TGFB1: variants seen among roughly 807,000 people sequenced by gnomAD.
TGFB1 encodes transforming growth factor beta-1 proprotein.
Under a neutral mutation model 43.8 loss-of-function variants are expected in TGFB1, and 19 were observed. The observed-to-expected ratio is 0.43, with a 90% CI of 0.30 to 0.64. TGFB1 has a LOEUF of 0.64. Among genes scored for constraint, TGFB1 ranks in the 30% least tolerant of loss-of-function variants. The pLI, the probability that TGFB1 is intolerant of heterozygous loss-of-function variation, is 0.11. For missense variants in TGFB1, 445 were observed against 529.8 expected (o/e 0.84, Z 1.57); for synonymous variants, 221 against 236.3 (o/e 0.94, Z 0.60).
intron 1 of TGFB1, among the ~76,000 whole-genome samples, 170 bp downstream of exon 1, chr19:41,352,520 G>C (rs2038216787): frequency 6.6e-6 from 1 of 152,142 alleles, no homozygotes; most frequent in South Asian, 2.1e-4. Context: ...AGGGGGCTCA[G>C]TGCCATCCTC....
chr19:41,353,022 A>C lies in TGFB1; in HGVS notation c.23T>G (p.Leu8Arg). 6.5e-6 allele frequency: 10 copies of C among 1,530,994 alleles called. No individual in the cohort carries two copies. Among genetic ancestry groups the C allele is most frequent in the Non-Finnish European group, 7.9e-6 (9 of 1,142,910 alleles). 94.8% of individuals were successfully genotyped at this position (1,530,994 alleles called of 1,614,324 possible). Residue 8 changes from leucine (L) to arginine (R), a missense_variant, in exon 1 of 7, where the codon CTG becomes CGG. By Grantham distance (102) the Leu-to-Arg change is moderately radical. Coordinates refer to ENST00000221930, the MANE Select transcript of TGFB1 (RefSeq NM_000660.7). The surrounding 1 kb of genome is among the most constrained non-coding windows in gnomAD (Gnocchi z 5.9). MPPSGLR[L>R]LPLLLPLLWL... ...CAGCAGCGGTAGCAGCAGCGGCAGCAGCCGCAGCCCGGAGGGCGGCATGGG... is the reference window on the plus strand; with the variant it reads ...CAGCAGCGGTAGCAGCAGCGGCAGCCGCCGCAGCCCGGAGGGCGGCATGGG...
In TGFB1 at chr19:41,332,143, G is replaced by A. The variant is rs2037939493; in HGVS notation, c.999C>T (p.Asp333=). The change falls in exon 6 of 7, where the codon GAC becomes GAT. Residue 333 remains aspartate, a synonymous_variant. Coordinates refer to ENST00000221930, the MANE Select transcript of TGFB1 (RefSeq NM_000660.7). ...CCAGACGTACCTTGCTGTACTGCGT[G>A]TCCAGGCTCCAAATGTAGGGGCAGG... ...LGPCPYIWSL[D]TQYSKVLALY... is the part of the protein sequence containing the mutation. 5 of 1,613,982 alleles carry A rather than the reference G, an allele frequency of 3.1e-6. No homozygotes were observed. The highest frequency in any genetic ancestry group is 4.2e-6 in the Non-Finnish European group (5 of 1,179,870).
intron 3 of TGFB1, among the ~76,000 whole-genome samples, chr19:41,342,695 T>C (rs185214444): frequency 6.6e-6 from 1 of 152,124 alleles, no homozygotes; most frequent in East Asian, 1.9e-4. Flanking sequence ...TTTGTATTTT[T>C]AGTAGAGATG....
intron 5 of TGFB1, among the ~76,000 whole-genome samples, chr19:41,332,594 C>T (rs996497878): frequency 1.3e-5 from 2 of 152,210 alleles, no homozygotes; most frequent in Non-Finnish European, 2.9e-5. Context: ...CACCCTGGAA[C>T]ATACAAAATA....
At position 41,346,854 on chromosome 19, in the gene TGFB1, T is replaced by C. The variant is rs774554599; in HGVS notation, c.516+1441A>G. On this transcript the variant is annotated intron_variant, in intron 2 of 6. Coordinates refer to ENST00000221930, the MANE Select transcript of TGFB1 (RefSeq NM_000660.7). Reference sequence around the variant, plus strand: ...GATTCTCCCACCTCAGCCTCCCAAGTAGCTGGGATTACAGGTGCCTGCCAC... The same window carrying C: ...GATTCTCCCACCTCAGCCTCCCAAGCAGCTGGGATTACAGGTGCCTGCCAC... 4.1e-4 allele frequency among the ~76,000 whole-genome samples: 62 copies of C among 152,078 alleles called. 1 individual carries two copies. The Middle Eastern group carries it at 0.01, about 25-fold the overall frequency.
At chr19:41,350,890 G>T in intron 1 of TGFB1, 1 of 152,532 alleles carries the variant, frequency 6.6e-6, no homozygotes, top group Non-Finnish European at 1.5e-5. Context: ...AAGACAGATA[G>T]GGAGGAAGAC....
At chr19:41,350,028 G>A (rs928528663) in intron 1 of TGFB1, among the ~76,000 whole-genome samples, 6 of 151,408 alleles carry the variant, frequency 4.0e-5, no homozygotes, top group African/African-American at 1.5e-4. Flanking sequence ...TCCCCCAGAC[G>A]GAAGTGCAGT....
chr19:41,344,752 C>T lies in TGFB1; in HGVS notation c.629G>A (p.Arg210His), dbSNP rs201430293. 149 of 1,613,730 alleles carry T rather than the reference C, an allele frequency of 9.2e-5. 1 individual carries two copies. Among genetic ancestry groups the T allele is most frequent in the Non-Finnish European group, 1.2e-4 (138 of 1,179,896 alleles). The change falls in exon 3 of 7, where the codon CGT becomes CAT. Residue 210 changes from arginine to histidine, a missense_variant. This residue lies in a region of TGFB1 where 366 missense variants were observed against 428.8 expected (regional missense o/e 0.85). Transcript: ENST00000221930. ...VTGVVRQWLSRGGEIEGFRLS... is the reference protein window; with the variant it reads ...VTGVVRQWLSHGGEIEGFRLS... ...GACACACAAGTAATCCTCACCTCCACGGCTCAACCACTGCCGCACAACTCC... is the reference window on the plus strand; with the variant it reads ...GACACACAAGTAATCCTCACCTCCATGGCTCAACCACTGCCGCACAACTCC...
intron 3 of TGFB1, 134 bp from the exon 4 acceptor site, chr19:41,342,381 C>A: frequency 3.0e-6 from 2 of 661,108 alleles, no homozygotes; most frequent in Admixed American, 2.8e-5. Context: ...CCTCTCACTG[C>A]AGCTCTCTCT....
At chr19:41,348,178 A>ATCCT in intron 2 of TGFB1, 117 bp downstream of exon 2, 1 of 1,174,742 alleles carries the variant, frequency 8.5e-7, no homozygotes, top group Non-Finnish European at 1.3e-6. Context: ...GTGTTCTTCT[A>ATCCT]TCCTTCAGGG....
Position 41,330,881 on chromosome 19 carries a change from C to G in TGFB1, c.*171G>C. 1.8e-6 allele frequency: 1 copy of G among 562,450 alleles called. No homozygotes were observed. The highest frequency in any genetic ancestry group is 3.0e-6 in the Non-Finnish European group (1 of 329,206). The allele number at this position is 562,450 out of a possible 1,614,324, so 34.8% of individuals were successfully genotyped here. On this transcript the variant is annotated 3_prime_UTR_variant, in exon 7 of 7. Transcript: ENST00000221930. ...GGGGGAACGTCAGGGATGGAGACCC[C>G]AGGCAGGCGCCCAATGACACAGAGA...
chr19:41,330,899 C>T lies in TGFB1; in HGVS notation c.*153G>A. On this transcript the variant is annotated 3_prime_UTR_variant, in exon 7 of 7. Coordinates refer to ENST00000221930, the MANE Select transcript of TGFB1 (RefSeq NM_000660.7). ...GAGACCCCAGGCAGGCGCCCAATGA[C>T]ACAGAGATCCGCAGTCCTCTCTCCA... 1.6e-6 allele frequency: 1 copy of T among 620,736 alleles called. No homozygotes were observed. Among genetic ancestry groups the T allele is most frequent in the Non-Finnish European group, 2.6e-6 (1 of 382,562 alleles). The allele number at this position is 620,736 out of a possible 1,614,324, so 38.5% of individuals were successfully genotyped here.
rs2038059899 is a variant in TGFB1 at position 41,341,919 on chromosome 19, C to T, written c.824G>A (p.Arg275Gln). The T allele has an allele frequency of 1.2e-6, 2 of 1,613,986 alleles. No homozygotes were observed. Among genetic ancestry groups the T allele is most frequent in the Non-Finnish European group, 1.7e-6 (2 of 1,179,964 alleles). ...GTTGGTGTCCAGGGCTCGGCGGTGC[C>T]GGGAGCTTTGCAGATGCTGGGCCCT... Reference protein sequence around the residue: ...LERAQHLQSSRHRRALDTNYC... With the variant: ...LERAQHLQSSQHRRALDTNYC... Residue 275 changes from arginine to glutamine, a missense_variant, in exon 5 of 7, where the codon CGG becomes CAG. Arg to Gln is a conservative substitution (Grantham distance 43). Transcript: ENST00000221930.
chr19:41,352,171 TC>T (rs1266699897), intron 1 of TGFB1, among the ~76,000 whole-genome samples: 1 of 151,972 alleles, frequency 6.6e-6, no homozygotes, highest in Non-Finnish European at 1.5e-5. Context: ...GCTCTCACTT[TC>T]CTGGCACCCT....
intron 3 of TGFB1, among the ~76,000 whole-genome samples, chr19:41,344,130 G>GT (rs2038089629): frequency 6.6e-6 from 1 of 151,894 alleles, no homozygotes; most frequent in Non-Finnish European, 1.5e-5. Flanking sequence ...CTACAGGCAC[G>GT]TAACAGCATG....
intron 4 of TGFB1, 64 bp from the exon 5 acceptor site, chr19:41,342,094 G>A (rs2038063048): frequency 6.2e-7 from 1 of 1,613,420 alleles, no homozygotes; most frequent in South Asian, 1.1e-5. Flanking sequence ...GGATAGATAA[G>A]TGGGGCGTGG....
In TGFB1 at chr19:41,353,379, A is replaced by G; in HGVS notation, c.-335T>C. ...GGGCTCAGGAGACAGGCCGGGGATGAAGGCGGCGTGCAGGGGGTGCGCCCG... is the reference window on the plus strand; with the variant it reads ...GGGCTCAGGAGACAGGCCGGGGATGGAGGCGGCGTGCAGGGGGTGCGCCCG... On this transcript the variant is annotated 5_prime_UTR_variant, in exon 1 of 7. Transcript: ENST00000221930. This position sits in a 1 kb window ranked among gnomAD's most constrained non-coding sequence, Gnocchi z 5.9. 3.7e-6 allele frequency: 1 copy of G among 268,572 alleles called. No individual in the cohort carries two copies. The highest frequency in any genetic ancestry group is 7.1e-6 in the Non-Finnish European group (1 of 141,820). 16.6% of individuals were successfully genotyped at this position (268,572 alleles called of 1,614,324 possible).
intron 5 of TGFB1, among the ~76,000 whole-genome samples, chr19:41,338,081 A>G (rs900766941): frequency 2.6e-5 from 4 of 151,792 alleles, no homozygotes; most frequent in African/African-American, 9.7e-5. Flanking sequence ...AATCACAGCT[A>G]TTTGGGAGAC....
At chr19:41,332,417 A>C (rs1221354488) in intron 5 of TGFB1, 136 bp from the exon 6 acceptor site, 2 of 939,720 alleles carry the variant, frequency 2.1e-6, no homozygotes, top group Admixed American at 4.7e-5. Context: ...CCTTGCACCC[A>C]CTGTGTTAAT....
Sources: gnomAD v4.1 joint callset for allele counts (sites outside exome capture counted in the v4.1 genomes callset) on GRCh38, gnomAD v4.1.1 for gene constraint, gnomAD v4.1.1 regional missense constraint, Gnocchi (gnomAD v3.1) non-coding constraint, MANE v1.5 for transcripts, NCBI Gene and HGNC (gene_info 2026-07-23, HGNC 2026-07-21) for gene names.